Variants in FRK observed in about 807,000 individuals in gnomAD.
FRK encodes tyrosine-protein kinase FRK.
A neutral mutation model predicts 56.4 loss-of-function variants in FRK; 51 were observed. That is an observed-to-expected ratio of 0.90 (90% CI 0.72 to 1.14). The LOEUF (loss-of-function observed/expected upper bound fraction) is 1.14. Ranked by LOEUF, FRK falls within the 50% of genes most tolerant of loss-of-function variation. The pLI is 0.00. For missense variants in FRK, 570 were observed against 601.4 expected (o/e 0.95, Z 0.55); for synonymous variants, 245 against 217.9 (o/e 1.12, Z -1.10).
the FRK span, among the ~76,000 whole-genome samples, chr6:116,084,726 A>C: frequency 2.0e-5 from 3 of 152,298 alleles, no homozygotes; most frequent in South Asian, 6.2e-4. Flanking sequence ...AAGTGTTGCA[A>C]AGTTGTATTG....
intron 1 of FRK, among the ~76,000 whole-genome samples, chr6:116,052,672 T>C (rs1456108005): frequency 6.6e-6 from 1 of 151,906 alleles, no homozygotes; most frequent in Non-Finnish European, 1.5e-5. Flanking sequence ...ACTTGAAGGA[T>C]AAGTTAAGCT....
the FRK span, among the ~76,000 whole-genome samples, chr6:116,071,774 G>A: frequency 2.6e-5 from 4 of 152,032 alleles, no homozygotes; most frequent in Non-Finnish European, 4.4e-5. Flanking sequence ...TAGTGCTTGG[G>A]GATATAAAAT....
At chr6:116,015,136 C>T (rs1775604512) in intron 1 of FRK, among the ~76,000 whole-genome samples, 1 of 152,018 alleles carries the variant, frequency 6.6e-6, no homozygotes, top group Non-Finnish European at 1.5e-5. Context: ...GCTCTGTGTC[C>T]CCACCCAAAT....
chr6:116,031,669 A>G (rs1776308163), intron 1 of FRK, among the ~76,000 whole-genome samples: 1 of 152,106 alleles, frequency 6.6e-6, no homozygotes. Context: ...ACTCCCACAA[A>G]GCCATGTGAC....
At chr6:116,059,859 T>C in intron 1 of FRK, 109 bp downstream of exon 1, 1 of 955,070 alleles carries the variant, frequency 1.0e-6, no homozygotes, top group Non-Finnish European at 1.6e-6. Flanking sequence ...TTCCTCATAC[T>C]TTTTAGGCAA....
At chr6:115,968,872 G>A in intron 2 of FRK, 133 bp from the exon 3 acceptor site, 2 of 758,368 alleles carry the variant, frequency 2.6e-6, no homozygotes, top group Non-Finnish European at 4.1e-6. Context: ...CTTTGTCTCA[G>A]AAAAGATTTA....
the FRK span, among the ~76,000 whole-genome samples, chr6:116,098,401 A>C: frequency 6.6e-6 from 1 of 152,092 alleles, no homozygotes; most frequent in Admixed American, 6.5e-5. Flanking sequence ...GTGTGCCACG[A>C]CGCCAGGCAG....
chr6:116,099,491 C>T, the FRK span, among the ~76,000 whole-genome samples: 2 of 152,238 alleles, frequency 1.3e-5, no homozygotes, highest in Non-Finnish European at 2.9e-5. Flanking sequence ...GCCTCTCCAA[C>T]AATCCAGCCT....
intron 1 of FRK, among the ~76,000 whole-genome samples, chr6:116,018,253 C>T (rs1775725512): frequency 6.6e-6 from 1 of 152,176 alleles, no homozygotes; most frequent in African/African-American, 2.4e-5. Flanking sequence ...CTCTGTATAC[C>T]CCAGCACTTC....
chr6:116,080,115 G>C, the FRK span, among the ~76,000 whole-genome samples: 1 of 152,212 alleles, frequency 6.6e-6, no homozygotes, highest in South Asian at 2.1e-4. Context: ...TAAAACATTA[G>C]AAGAAAATAT....
chr6:116,083,376 GTTT>G, the FRK span, among the ~76,000 whole-genome samples: 1 of 137,710 alleles, frequency 7.3e-6, no homozygotes. Context: ...AAAAAGCTTT[GTTT>G]TGTTTTAAGA....
chr6:115,974,095 A>G (rs373001121), intron 2 of FRK, among the ~76,000 whole-genome samples: 1 of 152,194 alleles, frequency 6.6e-6, no homozygotes, highest in African/African-American at 2.4e-5. Context: ...TAGCAAGCCA[A>G]TAGGTCTGTA....
chr6:115,953,193 T>C lies in FRK; in HGVS notation c.958+3259A>G, dbSNP rs1247507594. ...CATTTTAAGGCCATTTTTTTTTTTT[T>C]TTTTTTTTTTTTTTGAGACGGAGTC... On this transcript the variant is annotated intron_variant, in intron 5 of 7. Coordinates refer to ENST00000606080, the MANE Select transcript of FRK (RefSeq NM_002031.3). Among the ~76,000 whole-genome samples, 34 of 122,302 alleles carry C rather than the reference T, an allele frequency of 2.8e-4. 3 individuals carry two copies. Among genetic ancestry groups the C allele is most frequent in the Non-Finnish European group, 4.5e-4 (26 of 57,616 alleles). 80.2% of individuals were successfully genotyped at this position (122,302 alleles called of 152,430 possible). A position where few individuals can be genotyped will look rare whatever the true frequency, so the allele number is the denominator to read the frequency against.
At chr6:115,991,454 T>C (rs1201643429) in intron 2 of FRK, among the ~76,000 whole-genome samples, 1 of 151,774 alleles carries the variant, frequency 6.6e-6, no homozygotes, top group Non-Finnish European at 1.5e-5. Context: ...CTTTGATGCA[T>C]AGTTTGTTCA....
At chr6:115,951,028 G>C (rs1485105620) in intron 5 of FRK, among the ~76,000 whole-genome samples, 1 of 152,152 alleles carries the variant, frequency 6.6e-6, no homozygotes, top group Non-Finnish European at 1.5e-5. Flanking sequence ...AGGGGGTGTT[G>C]AGCAAAGGGA....
At chr6:115,983,807 T>C (rs1454282821) in intron 2 of FRK, among the ~76,000 whole-genome samples, 1 of 152,136 alleles carries the variant, frequency 6.6e-6, no homozygotes, top group Non-Finnish European at 1.5e-5. Flanking sequence ...TCACTGTCCA[T>C]CTTCCAGTCA....
At chr6:116,058,764 A>G (rs1777494718) in intron 1 of FRK, among the ~76,000 whole-genome samples, 1 of 151,040 alleles carries the variant, frequency 6.6e-6, no homozygotes, top group African/African-American at 2.4e-5. Context: ...CAAAAAAATT[A>G]GCCGGGCGTG....
chr6:116,022,895 T>G (rs1338506492), intron 1 of FRK, among the ~76,000 whole-genome samples: 6 of 152,118 alleles, frequency 3.9e-5, no homozygotes, highest in Non-Finnish European at 1.5e-5. Context: ...AATAGCAGCA[T>G]AGCAAAGAAA....
At chr6:116,035,594 A>G (rs1311734885) in intron 1 of FRK, among the ~76,000 whole-genome samples, 4 of 152,172 alleles carry the variant, frequency 2.6e-5, no homozygotes, top group Non-Finnish European at 5.9e-5. Context: ...CAGCTAGTAA[A>G]TTTGGATTAA....
Sources: gnomAD v4.1 joint callset for allele counts (sites outside exome capture counted in the v4.1 genomes callset) on GRCh38, gnomAD v4.1.1 for gene constraint, MANE v1.5 for transcripts, NCBI Gene and HGNC (gene_info 2026-07-23, HGNC 2026-07-21) for gene names.